Variants in CRB2 observed in about 807,000 individuals in gnomAD.
CRB2 encodes protein crumbs homolog 2.
CRB2 carries 85 observed loss-of-function variants against 110.9 expected under a neutral mutation model. That is an observed-to-expected ratio of 0.77 (90% confidence interval 0.64 to 0.92). The LOEUF (loss-of-function observed/expected upper bound fraction) is 0.92, where lower values mean the gene tolerates loss of function less well. Ranked by LOEUF, CRB2 falls within the 40% of genes least tolerant of loss-of-function variation. The probability of loss-of-function intolerance (pLI) is 0.00; values close to 1 mark genes in which losing one functional copy is unlikely to be tolerated. For missense variants in CRB2, 1,843 were observed against 1,851.3 expected (o/e 1.00, Z 0.08); for synonymous variants, 907 against 831.0 (o/e 1.09, Z -1.57).
chr9:123,371,626 C>T (rs1338580775), intron 8 of CRB2, 48 bp downstream of exon 8: 1 of 1,603,652 alleles, frequency 6.2e-7, no homozygotes, highest in South Asian at 1.1e-5. Flanking sequence ...AGTCCTTTTC[C>T]CAGGATCTGT....
chr9:123,357,344 C>A (rs1177310264), intron 1 of CRB2, among the ~76,000 whole-genome samples: 4 of 151,866 alleles, frequency 2.6e-5, no homozygotes, highest in African/African-American at 9.7e-5. Flanking sequence ...GGGGAGGGAG[C>A]CAAGGAGGGC....
Position 123,377,045 on chromosome 9 carries a change from G to T in CRB2, c.3841G>T (p.Glu1281Ter). 6.3e-7 allele frequency: 1 copy of T among 1,587,486 alleles called. No homozygotes were observed. Among genetic ancestry groups the T allele is most frequent in the Non-Finnish European group, 8.6e-7 (1 of 1,165,800 alleles). Residue 1281 changes from glutamate (E) to a stop codon, truncating the protein, a stop_gained, in exon 13 of 13, where the codon GAG (glutamate) becomes TAG (stop). Transcript: ENST00000373631. LOFTEE classifies it high-confidence loss of function. The part of the protein sequence containing the change: ...EMDSVLKVPP[E>*]ERLI ...GGACAGTGTCCTCAAGGTGCCACCG[G>T]AGGAGAGACTCATCTAGGCCAGCCT... is the stretch of plus-strand genomic sequence containing the variant.
At chr9:123,367,016 G>A (rs1025258129) in intron 4 of CRB2, among the ~76,000 whole-genome samples, 156 bp from the exon 5 acceptor site, 5 of 151,784 alleles carry the variant, frequency 3.3e-5, no homozygotes, top group Admixed American at 6.6e-5. Context: ...GAAGGCTGCC[G>A]TGGTCATTCC....
chr9:123,371,677 G>A (rs547331740), intron 8 of CRB2, 99 bp downstream of exon 8: 145 of 1,530,128 alleles, frequency 9.5e-5, no homozygotes, highest in Non-Finnish European at 1.2e-4. Context: ...TGCTGATGAG[G>A]AAACTGAGGC....
In CRB2 at chr9:123,370,787, C is replaced by T. The variant is rs746456092; in HGVS notation, c.1734C>T (p.Gly578=). The T allele has an allele frequency of 5.6e-6, 9 of 1,603,050 alleles. No individual in the cohort carries two copies. The highest frequency in any genetic ancestry group is 1.7e-5 in the Admixed American group (1 of 60,006). Residue 578 remains glycine (G), a synonymous_variant, in exon 7 of 13, where the codon GGC becomes GGT. Transcript: ENST00000373631. ...SAQLGDATFA[G]CLQDVRVDGH... ...AGCTGGGGGACGCGACCTTTGCAGG[C>T]TGCCTCCAGGACGTGCGTGTGGATG...
In CRB2 at chr9:123,363,005, G is replaced by A. The variant is rs369928293; in HGVS notation, c.235G>A (p.Gly79Ser). ...CTGTGCCACCCAGCCATGCCACCAC[G>A]GCGCTCTGTGTGTGCCCCAGGGTCC... is the stretch of plus-strand genomic sequence containing the variant. The part of the protein sequence containing the change: ...RGCATQPCHH[G>S]ALCVPQGPDP... The change falls in exon 2 of 13, where the codon GGC (glycine) becomes AGC (serine). Residue 79 changes from glycine to serine, a missense_variant. Physicochemically the swap from Gly to Ser is moderately conservative, Grantham distance 56. Coordinates refer to ENST00000373631, the MANE Select transcript of CRB2 (RefSeq NM_173689.7). 40 of 1,612,378 alleles carry A rather than the reference G, an allele frequency of 2.5e-5. No homozygotes were observed. The highest frequency in any genetic ancestry group is 5.0e-5 in the Admixed American group (3 of 59,992).
In CRB2 at chr9:123,373,811, C is replaced by T; in HGVS notation, c.3280C>T (p.His1094Tyr). Residue 1094 changes from histidine (H) to tyrosine (Y), a missense_variant, in exon 10 of 13, where the codon CAC becomes TAC. Physicochemically the swap from His to Tyr is moderately conservative, Grantham distance 83 (BLOSUM62 2). Coordinates refer to ENST00000373631, the MANE Select transcript of CRB2 (RefSeq NM_173689.7). The stretch of plus-strand genomic sequence containing the variant: ...GTGGGAAGGCCCGCGCTGCGAAGCC[C>T]ACGTCGACCCCTGTCACTCCGCCCC... ...PGWEGPRCEAHVDPCHSAPCA... is the reference protein window; with the variant it reads ...PGWEGPRCEAYVDPCHSAPCA... The T allele has an allele frequency of 1.3e-6, 2 of 1,586,692 alleles. No individual in the cohort carries two copies. Among genetic ancestry groups the T allele is most frequent in the Non-Finnish European group, 1.7e-6 (2 of 1,174,298 alleles).
At chr9:123,355,209 C>T (rs2041784643), upstream of CRB2, among the ~76,000 whole-genome samples, 2 of 152,128 alleles carry the variant, frequency 1.3e-5, no homozygotes, top group Non-Finnish European at 2.9e-5. Context: ...ACCAGGTCCC[C>T]CTGAAGAGCT....
chr9:123,356,208 C>T lies in CRB2; in HGVS notation c.-53C>T, dbSNP rs1247567174. ...GGGACGAGGGGGGTGCGGAGCCAGCCAGGCCGCCCTCCCGTTCTCACAGCA... is the reference window on the plus strand; with the variant it reads ...GGGACGAGGGGGGTGCGGAGCCAGCTAGGCCGCCCTCCCGTTCTCACAGCA... On this transcript the variant is annotated 5_prime_UTR_variant, in exon 1 of 13. Transcript: ENST00000373631. 4 of 1,297,786 alleles carry T rather than the reference C, an allele frequency of 3.1e-6. No homozygotes were observed. In the African/African-American group the frequency reaches 4.7e-5, roughly 15 times the overall value. The allele number at this position is 1,297,786 out of a possible 1,614,324, so 80.4% of individuals were successfully genotyped here. A position where few individuals can be genotyped will look rare whatever the true frequency, so the allele number is the denominator to read the frequency against.
chr9:123,370,791 C>G lies in CRB2; in HGVS notation c.1738C>G (p.Leu580Val), dbSNP rs770364789. 6.2e-7 allele frequency: 1 copy of G among 1,603,178 alleles called. No individual in the cohort carries two copies. Among genetic ancestry groups the G allele is most frequent in the African/African-American group, 1.3e-5 (1 of 74,996 alleles). The change falls in exon 7 of 13, where the codon CTC (leucine) becomes GTC (valine). Residue 580 changes from leucine to valine, a missense_variant. Transcript: ENST00000373631. ...GGGGGACGCGACCTTTGCAGGCTGC[C>G]TCCAGGACGTGCGTGTGGATGGCCA... Reference protein sequence around the residue: ...QLGDATFAGCLQDVRVDGHLL... With the variant: ...QLGDATFAGCVQDVRVDGHLL...
At chr9:123,379,270 C>A (rs979406583), downstream of CRB2, among the ~76,000 whole-genome samples, 126 of 152,228 alleles carry the variant, frequency 8.3e-4, no homozygotes, top group African/African-American at 2.9e-3. Flanking sequence ...CCCGCAAACA[C>A]CAGCGTCCAA....
chr9:123,380,153 T>C (rs1441831387), downstream of CRB2: 1 of 152,174 alleles, frequency 6.6e-6, no homozygotes, highest in Non-Finnish European at 1.5e-5. Flanking sequence ...CCTTCACAAA[T>C]AGGAAATGAG....
In CRB2 at chr9:123,373,612, G is replaced by GCGGCCC; in HGVS notation, c.3088_3093dup (p.Arg1030_Pro1031dup). 1.5e-6 allele frequency: 2 copies of GCGGCCC among 1,363,800 alleles called. No homozygotes were observed. Among genetic ancestry groups the GCGGCCC allele is most frequent in the Non-Finnish European group, 9.4e-7 (1 of 1,065,040 alleles). The allele number at this position is 1,363,800 out of a possible 1,614,324, so 84.5% of individuals were successfully genotyped here. A position where few individuals can be genotyped will look rare whatever the true frequency, so the allele number is the denominator to read the frequency against. On this transcript the variant is annotated inframe_insertion, in exon 10 of 13. Coordinates refer to ENST00000373631, the MANE Select transcript of CRB2 (RefSeq NM_173689.7). ...TGGGCGGCCTGCCCCTGCCCTTGGC[G>GCGGCCC]CGGCCCCGGCCCGGCGCGGCCCCTG...
In CRB2 at chr9:123,377,111, A is replaced by G. The variant is rs553868521; in HGVS notation, c.*49A>G. On this transcript the variant is annotated 3_prime_UTR_variant, in exon 13 of 13. Transcript: ENST00000373631. ...CACCTGGAGGTCCTGAATGGTTTCT[A>G]CCTGGAGACCCAAGGAAGCTGCTTC... 1 of 1,443,974 alleles carries G rather than the reference A, an allele frequency of 6.9e-7. No individual in the cohort carries two copies. The highest frequency in any genetic ancestry group is 1.4e-5 in the African/African-American group (1 of 70,324). 89.4% of individuals were successfully genotyped at this position (1,443,974 alleles called of 1,614,324 possible). A position where few individuals can be genotyped will look rare whatever the true frequency, so the allele number is the denominator to read the frequency against.
At chr9:123,354,634 A>T (rs1201418902), upstream of CRB2, among the ~76,000 whole-genome samples, 3 of 152,140 alleles carry the variant, frequency 2.0e-5, no homozygotes, top group African/African-American at 7.2e-5. Context: ...GGCTTCTCCC[A>T]CCTGGGGAGA....
At chr9:123,375,163 G>A (rs2042083747) in intron 11 of CRB2, 54 bp from the exon 12 acceptor site, 2 of 1,608,514 alleles carry the variant, frequency 1.2e-6, no homozygotes, top group Non-Finnish European at 1.7e-6. Context: ...GCAGCTGGGA[G>A]CACAAGAGGC....
At position 123,373,630 on chromosome 9, in the gene CRB2, G is replaced by GGCCCC; in HGVS notation, c.3100_3104dup (p.Gly1036ProfsTer107). On this transcript the variant is annotated frameshift_variant, in exon 10 of 13. Coordinates refer to ENST00000373631, the MANE Select transcript of CRB2 (RefSeq NM_173689.7). LOFTEE classifies it high-confidence loss of function. Reference sequence around the variant, plus strand: ...CCTTGGCGCGGCCCCGGCCCGGCGCGGCCCCTGGCGCCCGAGAGCACTTCG... The same window carrying GGCCCC: ...CCTTGGCGCGGCCCCGGCCCGGCGCGGCCCCGCCCCTGGCGCCCGAGAGCACTTCG... The GGCCCC allele has an allele frequency of 7.3e-7, 1 of 1,368,426 alleles. No individual in the cohort carries two copies. Among genetic ancestry groups the GGCCCC allele is most frequent in the Non-Finnish European group, 9.4e-7 (1 of 1,068,922 alleles). The allele number at this position is 1,368,426 out of a possible 1,614,324, so 84.8% of individuals were successfully genotyped here.
chr9:123,355,826 G>A (rs1032767912), upstream of CRB2, among the ~76,000 whole-genome samples: 6 of 151,786 alleles, frequency 4.0e-5, no homozygotes, highest in South Asian at 2.1e-4. Context: ...AGAGAGGCCC[G>A]GGCTGGAGAG....
chr9:123,356,488 G>A, intron 1 of CRB2, 134 bp downstream of exon 1: 1 of 547,126 alleles, frequency 1.8e-6, no homozygotes, highest in Non-Finnish European at 3.0e-6. Context: ...GGGTGCACAG[G>A]AGTGCGCGGC....
Sources: gnomAD v4.1 joint callset for allele counts (sites outside exome capture counted in the v4.1 genomes callset) on GRCh38, gnomAD v4.1.1 for gene constraint, MANE v1.5 for transcripts, NCBI Gene and HGNC (gene_info 2026-07-23, HGNC 2026-07-21) for gene names.